Variants in ARHGEF26 observed in about 807,000 individuals in gnomAD.
The protein encoded by ARHGEF26 is Rho guanine nucleotide exchange factor (GEF) 26.
In ARHGEF26, 59 loss-of-function variants were observed where a neutral mutation model predicts 89.4. That is an observed-to-expected ratio of 0.66 (90% confidence interval 0.54 to 0.82). ARHGEF26 has a LOEUF of 0.82. Among genes scored for constraint, ARHGEF26 ranks in the 40% least tolerant of loss-of-function variants. The pLI, the probability that ARHGEF26 is intolerant of heterozygous loss-of-function variation, is 0.00. For synonymous variants in ARHGEF26, 500 were observed against 428.4 expected, an observed-to-expected ratio of 1.17 and a Z score of -2.06; for missense variants, 1,234 against 1,085.6, an observed-to-expected ratio of 1.14 and a Z score of -1.92.
chr3:154,149,672 C>T (rs1719900938), intron 5 of ARHGEF26, among the ~76,000 whole-genome samples: 1 of 151,974 alleles, frequency 6.6e-6, no homozygotes, highest in Non-Finnish European at 1.5e-5. Context: ...TGATTTTAAA[C>T]AACAAAGCAC....
Position 154,256,800 on chromosome 3 carries a change from C to A in ARHGEF26, c.*1327C>A. Reference sequence around the variant, plus strand: ...GAATTCATTCTATTTGCACTAAAAGCCTTAACTTGCTGTATTCAGAGTCCC... The same window carrying A: ...GAATTCATTCTATTTGCACTAAAAGACTTAACTTGCTGTATTCAGAGTCCC... On this transcript the variant is annotated 3_prime_UTR_variant, in exon 15 of 15. Transcript: ENST00000465093. 1 of 1,498,420 alleles carries A rather than the reference C, an allele frequency of 6.7e-7. No homozygotes were observed. 92.8% of individuals were successfully genotyped at this position (1,498,420 alleles called of 1,614,324 possible). A position where few individuals can be genotyped will look rare whatever the true frequency, so the allele number is the denominator to read the frequency against.
chr3:154,191,108 A>G (rs1046348387), intron 7 of ARHGEF26, among the ~76,000 whole-genome samples, 181 bp from the exon 8 acceptor site: 3 of 152,250 alleles, frequency 2.0e-5, no homozygotes, highest in African/African-American at 7.2e-5. Context: ...AGCCTTGAAT[A>G]TAAAAGGCAG....
intron 4 of ARHGEF26, among the ~76,000 whole-genome samples, chr3:154,146,040 A>G (rs1419382948): frequency 1.3e-5 from 2 of 152,196 alleles, no homozygotes; most frequent in African/African-American, 2.4e-5. Flanking sequence ...CAGACCTGCA[A>G]AGTACTTTAG....
chr3:154,123,170 T>A, intron 2 of ARHGEF26, 95 bp downstream of exon 2: 2 of 1,504,032 alleles, frequency 1.3e-6, no homozygotes, highest in Non-Finnish European at 1.8e-6. Context: ...CCCGAAGAAG[T>A]CATTCCGTTT....
At chr3:154,229,779 G>C (rs1039173909) in intron 11 of ARHGEF26, among the ~76,000 whole-genome samples, 6 of 152,212 alleles carry the variant, frequency 3.9e-5, no homozygotes, top group South Asian at 2.1e-4. Context: ...CACTATACTA[G>C]CATGGTAGTA....
chr3:154,126,769 C>T (rs1267204981), intron 3 of ARHGEF26, among the ~76,000 whole-genome samples: 1 of 151,930 alleles, frequency 6.6e-6, no homozygotes, highest in East Asian at 1.9e-4. Flanking sequence ...TTGACTTTCC[C>T]TAGTTCTTTT....
At chr3:154,178,694 G>T (rs896971218) in intron 6 of ARHGEF26, among the ~76,000 whole-genome samples, 1 of 152,134 alleles carries the variant, frequency 6.6e-6, no homozygotes, top group Non-Finnish European at 1.5e-5. Context: ...GAACATTTGT[G>T]TTGAAGTTTT....
intron 3 of ARHGEF26, among the ~76,000 whole-genome samples, chr3:154,126,128 C>T (rs770791268): frequency 4.6e-5 from 7 of 152,148 alleles, no homozygotes; most frequent in Non-Finnish European, 8.8e-5. Flanking sequence ...GAGACTCAGC[C>T]TTTACCCTCA....
intron 12 of ARHGEF26, 148 bp from the exon 13 acceptor site, chr3:154,252,968 C>T (rs2108303896): frequency 2.6e-6 from 2 of 779,586 alleles, no homozygotes; most frequent in East Asian, 2.7e-5. Context: ...CAGCTTATCA[C>T]TTTTAAACTA....
chr3:154,184,668 C>T (rs1165536564), intron 6 of ARHGEF26, among the ~76,000 whole-genome samples: 1 of 152,146 alleles, frequency 6.6e-6, no homozygotes, highest in Non-Finnish European at 1.5e-5. Context: ...CTTGATTTCC[C>T]ACTACCAGGC....
chr3:154,157,554 G>C (rs1329102383), intron 6 of ARHGEF26, among the ~76,000 whole-genome samples: 1 of 152,142 alleles, frequency 6.6e-6, no homozygotes, highest in African/African-American at 2.4e-5. Context: ...TGTCTTAGCA[G>C]AGAGGTGAAA....
intron 9 of ARHGEF26, among the ~76,000 whole-genome samples, chr3:154,212,778 G>A (rs186182516): frequency 2.6e-5 from 4 of 152,166 alleles, no homozygotes; most frequent in African/African-American, 7.2e-5. Flanking sequence ...GGAGGAGGAG[G>A]CAGAGCTCAG....
At chr3:154,251,224 T>C (rs772549826) in intron 12 of ARHGEF26, among the ~76,000 whole-genome samples, 1 of 152,206 alleles carries the variant, frequency 6.6e-6, no homozygotes, top group African/African-American at 2.4e-5. Context: ...ACTTGCTTTG[T>C]CCTCTGAAAA....
intron 4 of ARHGEF26, among the ~76,000 whole-genome samples, chr3:154,146,049 A>G (rs1166079244): frequency 6.6e-6 from 1 of 152,222 alleles, no homozygotes; most frequent in East Asian, 1.9e-4. Context: ...AAAGTACTTT[A>G]GTTTGGGCTG....
chr3:154,153,486 A>G (rs1720147988), intron 6 of ARHGEF26, among the ~76,000 whole-genome samples: 1 of 152,002 alleles, frequency 6.6e-6, no homozygotes, highest in Non-Finnish European at 1.5e-5. Flanking sequence ...TATACATTGG[A>G]TGTTTTACTT....
intron 6 of ARHGEF26, among the ~76,000 whole-genome samples, chr3:154,168,882 A>G (rs1440045006): frequency 1.4e-5 from 2 of 145,902 alleles, no homozygotes; most frequent in Non-Finnish European, 3.0e-5. Flanking sequence ...CAGTGTGCCT[A>G]CAGATACCAC....
At chr3:154,172,865 A>G (rs1006594148) in intron 6 of ARHGEF26, among the ~76,000 whole-genome samples, 9 of 152,192 alleles carry the variant, frequency 5.9e-5, no homozygotes, top group African/African-American at 2.2e-4. Context: ...AATTAGCTTT[A>G]TAAACATAAA....
chr3:154,167,963 T>G (rs1329212301), intron 6 of ARHGEF26, among the ~76,000 whole-genome samples: 1 of 152,212 alleles, frequency 6.6e-6, no homozygotes, highest in Admixed American at 6.5e-5. Flanking sequence ...AATAAAATTG[T>G]ACAACCTATC....
chr3:154,127,374 A>C (rs1336860286), intron 3 of ARHGEF26, among the ~76,000 whole-genome samples: 1 of 152,168 alleles, frequency 6.6e-6, no homozygotes, highest in Non-Finnish European at 1.5e-5. Context: ...CTATTGTAAA[A>C]AATTTTCATT....
Sources: allele counts gnomAD v4.1 joint callset (sites outside exome capture counted in the v4.1 genomes callset), GRCh38; gene constraint gnomAD v4.1.1; transcripts MANE v1.5; gene names NCBI Gene and HGNC (gene_info 2026-07-23, HGNC 2026-07-21).